The following NRG3 variants were observed in gnomAD, a reference collection of about 807,000 sequenced individuals.
The protein encoded by NRG3 is neuregulin 3.
A neutral mutation model predicts 66.9 loss-of-function variants in NRG3; 31 were observed. The observed-to-expected ratio is 0.46, with a 90% confidence interval of 0.35 to 0.63. NRG3 has a LOEUF of 0.63. Among genes scored for constraint, NRG3 ranks in the 20% least tolerant of loss-of-function variants. NRG3 has a pLI of 0.00. For synonymous variants in NRG3, 393 were observed against 359.4 expected (o/e 1.09, Z -1.06); for missense variants, 910 against 878.9 (o/e 1.04, Z -0.45).
intron 3 of NRG3, among the ~76,000 whole-genome samples, chr10:82,770,189 A>G (rs2059663247): frequency 6.6e-6 from 1 of 152,174 alleles, no homozygotes. Context: ...ATGACTATGC[A>G]TAGTATTTCA....
chr10:82,888,027 G>T (rs1842860309), intron 4 of NRG3, among the ~76,000 whole-genome samples: 1 of 152,146 alleles, frequency 6.6e-6, no homozygotes, highest in Non-Finnish European at 1.5e-5. Context: ...TAAGTTTACA[G>T]ATTTTTTAAA....
chr10:82,929,838 T>C (rs1239338954), intron 4 of NRG3, among the ~76,000 whole-genome samples: 1 of 143,362 alleles, frequency 7.0e-6, no homozygotes, highest in East Asian at 2.0e-4. Flanking sequence ...ATTGTGCCAC[T>C]GCACTCCAGC....
intron 3 of NRG3, among the ~76,000 whole-genome samples, chr10:82,858,894 G>A (rs1026042210): frequency 6.6e-6 from 1 of 151,506 alleles, no homozygotes; most frequent in Non-Finnish European, 1.5e-5. Flanking sequence ...GGGAATTGGG[G>A]GATTCTTGCA....
intron 1 of NRG3, among the ~76,000 whole-genome samples, chr10:81,963,033 C>T (rs949936559): frequency 1.3e-5 from 2 of 150,544 alleles, no homozygotes; most frequent in Non-Finnish European, 2.9e-5. Context: ...TTCTGTCTCT[C>T]GTTGGGTGAG....
At chr10:82,418,158 A>G (rs1045887111) in intron 2 of NRG3, among the ~76,000 whole-genome samples, 2 of 152,192 alleles carry the variant, frequency 1.3e-5, no homozygotes, top group Non-Finnish European at 1.5e-5. Context: ...CTATAGTACC[A>G]GTGTTTAAAA....
At chr10:82,434,641 G>A (rs1247890814) in intron 2 of NRG3, among the ~76,000 whole-genome samples, 2 of 152,100 alleles carry the variant, frequency 1.3e-5, no homozygotes, top group Non-Finnish European at 2.9e-5. Context: ...GGTTTATTGA[G>A]AGTTTTTAAT....
At chr10:82,199,893 T>TGTGTGTGC (rs1243595276) in intron 1 of NRG3, among the ~76,000 whole-genome samples, 4 of 22,340 alleles carry the variant, frequency 1.8e-4, no homozygotes, top group Non-Finnish European at 5.5e-4. Flanking sequence ...TGTGTGCGTG[T>TGTGTGTGC]GTGTGTGTGT....
intron 2 of NRG3, among the ~76,000 whole-genome samples, chr10:82,700,023 T>C (rs2055737858): frequency 6.6e-6 from 1 of 152,110 alleles, no homozygotes; most frequent in African/African-American, 2.4e-5. Flanking sequence ...ACTTTGACCA[T>C]CCTCAAGAAG....
chr10:82,481,196 T>A (rs1842238073), intron 2 of NRG3, among the ~76,000 whole-genome samples: 1 of 152,222 alleles, frequency 6.6e-6, no homozygotes, highest in South Asian at 2.1e-4. Flanking sequence ...TGTTTTTATT[T>A]CTCTATCATA....
chr10:82,264,818 G>A (rs1307286353), intron 1 of NRG3, among the ~76,000 whole-genome samples: 1 of 152,120 alleles, frequency 6.6e-6, no homozygotes, highest in Admixed American at 6.5e-5. Context: ...ACTGAGAATT[G>A]CCTGTTGGAC....
At chr10:82,658,604 A>T (rs1029673560) in intron 2 of NRG3, among the ~76,000 whole-genome samples, 3 of 152,164 alleles carry the variant, frequency 2.0e-5, no homozygotes, top group African/African-American at 7.2e-5. Flanking sequence ...TTTAGAGAAA[A>T]CACTAAAAAA....
chr10:82,152,075 A>T (rs765382286), intron 1 of NRG3, among the ~76,000 whole-genome samples: 9 of 152,190 alleles, frequency 5.9e-5, no homozygotes, highest in Admixed American at 1.3e-4. Flanking sequence ...AAGAAACTAA[A>T]TATTTTAGGC....
chr10:82,966,399 C>T (rs868241331), intron 6 of NRG3, among the ~76,000 whole-genome samples: 7 of 152,054 alleles, frequency 4.6e-5, no homozygotes, highest in African/African-American at 1.7e-4. Context: ...TGATTCTTTT[C>T]TTATGATTAC....
intron 1 of NRG3, among the ~76,000 whole-genome samples, chr10:82,187,046 G>T (rs566780077): frequency 1.3e-5 from 2 of 152,268 alleles, no homozygotes; most frequent in East Asian, 3.9e-4. Flanking sequence ...AAAACTGGAG[G>T]AGACTTTTTG....
intron 2 of NRG3, among the ~76,000 whole-genome samples, chr10:82,722,156 C>A (rs145852425): frequency 1.2e-4 from 19 of 152,282 alleles, no homozygotes; most frequent in Admixed American, 2.0e-4. Flanking sequence ...AGAAACAGAA[C>A]ATGTGGGGCC....
At chr10:81,878,229 A>T in intron 1 of NRG3, 1 of 682,596 alleles carries the variant, frequency 1.5e-6, no homozygotes, top group Non-Finnish European at 2.4e-6. Flanking sequence ...AAATGGTGTC[A>T]ATGTTCACAT....
chr10:82,047,283 C>T (rs892457797), intron 1 of NRG3, among the ~76,000 whole-genome samples: 1 of 152,084 alleles, frequency 6.6e-6, no homozygotes, highest in East Asian at 1.9e-4. Context: ...AGAGCAACTC[C>T]AAGACACATG....
intron 3 of NRG3, among the ~76,000 whole-genome samples, chr10:82,773,257 T>G (rs1023090876): frequency 4.6e-5 from 7 of 152,286 alleles, no homozygotes; most frequent in Admixed American, 2.0e-4. Context: ...CACTTATTGC[T>G]TGTCTTTTAG....
At chr10:82,791,110 A>T (rs2060570336) in intron 3 of NRG3, among the ~76,000 whole-genome samples, 1 of 151,842 alleles carries the variant, frequency 6.6e-6, no homozygotes, top group Non-Finnish European at 1.5e-5. Context: ...CCTTGGAGAG[A>T]CTTTAACTTA....
Sources: allele counts gnomAD v4.1 joint callset (sites outside exome capture counted in the v4.1 genomes callset), GRCh38; gene constraint gnomAD v4.1.1; transcripts MANE v1.5; gene names NCBI Gene and HGNC (gene_info 2026-07-23, HGNC 2026-07-21).